The following SCAPER variants were observed in gnomAD, a reference collection of about 807,000 sequenced individuals.
SCAPER encodes S-phase cyclin A associated protein in the ER.
In SCAPER, 98 loss-of-function variants were observed where a neutral mutation model predicts 182.2. That is an observed-to-expected ratio of 0.54 (90% CI 0.46 to 0.64). The LOEUF (loss-of-function observed/expected upper bound fraction) is 0.64. Ranked by LOEUF, SCAPER falls within the 30% of genes least tolerant of loss-of-function variation. The pLI, the probability that SCAPER is intolerant of heterozygous loss-of-function variation, is 0.00. For missense variants in SCAPER, 1,432 were observed against 1,690.0 expected (o/e 0.85, Z 2.68); for synonymous variants, 605 against 564.6 (o/e 1.07, Z -1.01).
chr15:76,539,067 T>TAA (rs564324949), intron 23 of SCAPER, among the ~76,000 whole-genome samples: 3 of 141,204 alleles, frequency 2.1e-5, no homozygotes, highest in South Asian at 2.3e-4. Context: ...ATGTTGTAAG[T>TAA]AAAAAAAAAA....
chr15:76,461,741 T>C (rs190123886), intron 25 of SCAPER, among the ~76,000 whole-genome samples: 7 of 152,316 alleles, frequency 4.6e-5, no homozygotes, highest in Admixed American at 4.6e-4. Context: ...GTTAATTGCC[T>C]TAACTCTTGA....
Position 76,374,731 on chromosome 15 carries a change from C to T in SCAPER, c.3855+1431G>A, listed in dbSNP as rs1186586319. On this transcript the variant is annotated intron_variant, in intron 29 of 31. Transcript: ENST00000563290. ...CGAACTCCTGACCTCAGGTGATCCACCTGCCTCGGCTTCCCAAAGTGCAGG... is the reference window on the plus strand; with the variant it reads ...CGAACTCCTGACCTCAGGTGATCCATCTGCCTCGGCTTCCCAAAGTGCAGG... Among the ~76,000 whole-genome samples the T allele has an allele frequency of 3.3e-5, 5 of 151,834 alleles. No individual in the cohort carries two copies. The East Asian group carries it at 9.8e-4, about 30-fold the overall frequency.
intron 31 of SCAPER, chr15:76,349,256 TCTATC>T: frequency 6.6e-6 from 1 of 152,352 alleles, no homozygotes; most frequent in Admixed American, 6.5e-5. Context: ...AGTCCTATAT[TCTATC>T]CTTAAGTTAG....
intron 22 of SCAPER, among the ~76,000 whole-genome samples, chr15:76,588,657 T>C (rs1035568878): frequency 6.6e-6 from 1 of 152,200 alleles, no homozygotes; most frequent in African/African-American, 2.4e-5. Flanking sequence ...CCTGTATAAC[T>C]TGTTTGTCTT....
chr15:76,658,139 C>T (rs1250063327), intron 21 of SCAPER, among the ~76,000 whole-genome samples: 3 of 151,960 alleles, frequency 2.0e-5, no homozygotes, highest in African/African-American at 2.4e-5. Context: ...TATTAGCTGA[C>T]GATATGATAC....
In SCAPER at chr15:76,351,261, C is replaced by A. The variant is rs1405293691; in HGVS notation, c.4075G>T (p.Glu1359Ter). ...CCTTTGGGTTGGTAAGGCTGGTTTT[C>A]CGCTTGACCTGGAGTCTGTGCCAAA... ...QDLAQTPGQA[E>*]NQPYQPKGKC... is the part of the protein sequence containing the mutation. The change falls in exon 31 of 32, where the codon GAA becomes TAA. Residue 1359 changes from glutamate (E) to a stop codon, truncating the protein, a stop_gained. Transcript: ENST00000563290. LOFTEE classifies it high-confidence loss of function. The A allele has an allele frequency of 6.2e-7, 1 of 1,610,154 alleles. No individual in the cohort carries two copies. The highest frequency in any genetic ancestry group is 1.3e-5 in the African/African-American group (1 of 74,830).
intron 4 of SCAPER, among the ~76,000 whole-genome samples, chr15:76,853,625 G>A (rs754659257): frequency 1.3e-5 from 2 of 150,994 alleles, no homozygotes; most frequent in Non-Finnish European, 1.5e-5. Flanking sequence ...ATATCTTCAC[G>A]TTAAAAACTC....
chr15:76,615,213 G>T (rs541253461), intron 22 of SCAPER, among the ~76,000 whole-genome samples: 326 of 151,984 alleles, frequency 2.1e-3, no homozygotes, highest in Non-Finnish European at 3.4e-3. Flanking sequence ...GGAGGCTGAG[G>T]GGGGGCGGAT....
In SCAPER at chr15:76,701,905, T is replaced by C. The variant is rs778466562; in HGVS notation, c.2401-40A>G. 99 of 1,461,300 alleles carry C rather than the reference T, an allele frequency of 6.8e-5. No individual in the cohort carries two copies. In the South Asian group the frequency reaches 1.0e-3, roughly 15 times the overall value. 90.5% of individuals were successfully genotyped at this position (1,461,300 alleles called of 1,614,324 possible). A position where few individuals can be genotyped will look rare whatever the true frequency, so the allele number is the denominator to read the frequency against. ...TCAAAGCAATGTAATCAATATAACA[T>C]TATATGAATTTTAAACACTACACAT... On this transcript the variant is annotated intron_variant, in intron 19 of 31. Transcript: ENST00000563290.
At chr15:76,402,319 T>C (rs2142119976) in intron 27 of SCAPER, among the ~76,000 whole-genome samples, 1 of 152,326 alleles carries the variant, frequency 6.6e-6, no homozygotes, top group African/African-American at 2.4e-5. Context: ...GTTAAACTCC[T>C]CTGCACTCTA....
At chr15:76,589,328 A>T (rs1016729953) in intron 22 of SCAPER, among the ~76,000 whole-genome samples, 7 of 152,096 alleles carry the variant, frequency 4.6e-5, no homozygotes, top group African/African-American at 1.7e-4. Context: ...GGTAGTGAAG[A>T]ACCATCAGGT....
intron 28 of SCAPER, chr15:76,379,889 GGAGT>G (rs2042833312): frequency 6.6e-6 from 1 of 152,034 alleles, no homozygotes; most frequent in African/African-American, 2.4e-5. Flanking sequence ...GCTCCCTGAT[GGAGT>G]GACTGACCGA....
chr15:76,889,515 C>T (rs1397146017), intron 1 of SCAPER, among the ~76,000 whole-genome samples: 2 of 151,834 alleles, frequency 1.3e-5, no homozygotes, highest in Non-Finnish European at 2.9e-5. Flanking sequence ...AAGCAGGGGT[C>T]GCAATTCTAA....
At chr15:76,699,043 GT>G (rs2058792545) in intron 20 of SCAPER, among the ~76,000 whole-genome samples, 1 of 152,118 alleles carries the variant, frequency 6.6e-6, no homozygotes, top group African/African-American at 2.4e-5. Flanking sequence ...ATGAGACTGA[GT>G]TCTTGATTTG....
In SCAPER at chr15:76,705,945, T is replaced by C; in HGVS notation, c.2205A>G (p.Gln735=). The change falls in exon 18 of 32, where the codon CAA becomes CAG. Residue 735 remains glutamine, a synonymous_variant. Coordinates refer to ENST00000563290, the MANE Select transcript of SCAPER (RefSeq NM_020843.4). ...TCTGTAACTCTTCCATAGCTTCTTG[T>C]TGAGCAGCTGTGAGTGCTGCCAATC... ...EERLAALTAA[Q]QEAMEELQKK... is the part of the protein sequence containing the mutation. 6.4e-7 allele frequency: 1 copy of C among 1,565,348 alleles called. No homozygotes were observed. The highest frequency in any genetic ancestry group is 8.6e-7 in the Non-Finnish European group (1 of 1,156,600).
chr15:76,737,321 T>G (rs2061326510), intron 15 of SCAPER, among the ~76,000 whole-genome samples: 1 of 152,250 alleles, frequency 6.6e-6, no homozygotes, highest in African/African-American at 2.4e-5. Context: ...TTGTGCTCTC[T>G]CCATCAGGGC....
At chr15:76,351,669 A>G (rs1010900530) in intron 30 of SCAPER, among the ~76,000 whole-genome samples, 1 of 152,258 alleles carries the variant, frequency 6.6e-6, no homozygotes, top group African/African-American at 2.4e-5. Flanking sequence ...TTTTGCATGT[A>G]GATGGAAAAT....
At chr15:76,679,828 C>G (rs1297582982) in intron 20 of SCAPER, among the ~76,000 whole-genome samples, 1 of 152,138 alleles carries the variant, frequency 6.6e-6, no homozygotes, top group Non-Finnish European at 1.5e-5. Flanking sequence ...CTGATCTAAT[C>G]TGAGGTTTAA....
chr15:76,692,617 A>C (rs2058422329), intron 20 of SCAPER, among the ~76,000 whole-genome samples: 1 of 148,496 alleles, frequency 6.7e-6, no homozygotes, highest in Admixed American at 6.8e-5. Flanking sequence ...TGAACCCAGG[A>C]GGCAGAGGTT....
Sources: allele counts gnomAD v4.1 joint callset (sites outside exome capture counted in the v4.1 genomes callset), GRCh38; gene constraint gnomAD v4.1.1; transcripts MANE v1.5; gene names NCBI Gene and HGNC (gene_info 2026-07-23, HGNC 2026-07-21).